CHAMP1: variants seen among roughly 807,000 people sequenced by gnomAD.
CHAMP1 encodes the protein chromosome alignment maintaining phosphoprotein 1.
In CHAMP1, 4 loss-of-function variants were observed where a neutral mutation model predicts 54.5. The ratio of observed to expected loss-of-function variants is 0.07; its 90% confidence interval spans 0.04 to 0.17. CHAMP1 has a LOEUF of 0.17. Among genes scored for constraint, CHAMP1 ranks in the 10% least tolerant of loss-of-function variants. CHAMP1 has a pLI of 1.00. For missense variants in CHAMP1, 994 were observed against 968.6 expected (o/e 1.03, Z -0.35); for synonymous variants, 368 against 342.2 (o/e 1.08, Z -0.83).
rs1555379872 is a variant in CHAMP1 at position 114,325,622 on chromosome 13, A to T, written c.1780A>T (p.Ile594Phe). 1 of 1,614,212 alleles carries T rather than the reference A, an allele frequency of 6.2e-7. No homozygotes were observed. The change falls in exon 3 of 3, where the codon ATT (isoleucine) becomes TTT (phenylalanine). Residue 594 changes from isoleucine to phenylalanine, a missense_variant. Around this residue, in one of 3 missense-constraint regions of CHAMP1, gnomAD observed 851 missense variants for 701.3 expected, o/e 1.21. Coordinates refer to ENST00000361283, the MANE Select transcript of CHAMP1 (RefSeq NM_032436.4). Reference sequence around the variant, plus strand: ...TGCCATAGATGATCAAAAATGTGATATTTTGGTTCAGGAAGAACTTCTAGC... The same window carrying T: ...TGCCATAGATGATCAAAAATGTGATTTTTTGGTTCAGGAAGAACTTCTAGC... ...IDAIDDQKCD[I>F]LVQEELLASP...
rs1162922407 is a variant in CHAMP1, at chr13:114,324,216, A to C, written c.374A>C (p.Lys125Thr). The change falls in exon 3 of 3, where the codon AAA becomes ACA. Residue 125 changes from lysine (K) to threonine (T), a missense_variant. Lys to Thr is a moderately conservative substitution (Grantham distance 78, BLOSUM62 -1). Transcript: ENST00000361283. ...QKIPCNSAEP[K>T]SIPALSMETQ... The stretch of plus-strand genomic sequence containing the variant: ...ATACCCTGCAATTCAGCAGAACCAA[A>C]ATCCATACCTGCCCTTTCAATGGAA... 2 of 1,613,936 alleles carry C rather than the reference A, an allele frequency of 1.2e-6. No homozygotes were observed. The highest frequency in any genetic ancestry group is 2.7e-5 in the African/African-American group (2 of 74,874).
chr13:114,325,875 A>T lies in CHAMP1; in HGVS notation c.2033A>T (p.Gln678Leu), dbSNP rs782736727. ...ENKMDMTSPE[Q>L]SRNVLQFTEE... is the part of the protein sequence containing the mutation. The stretch of plus-strand genomic sequence containing the variant: ...AAAATGGACATGACTAGTCCAGAGC[A>T]GTCTAGAAATGTGCTACAGTTTACT... Residue 678 changes from glutamine (Q) to leucine (L), a missense_variant, in exon 3 of 3, where the codon CAG becomes CTG. Physicochemically the swap from Gln to Leu is moderately radical, Grantham distance 113. This residue lies in a region of CHAMP1 where 851 missense variants were observed against 701.3 expected (regional missense o/e 1.21). Transcript: ENST00000361283. 1 of 1,614,064 alleles carries T rather than the reference A, an allele frequency of 6.2e-7. No homozygotes were observed. The highest frequency in any genetic ancestry group is 1.1e-5 in the South Asian group (1 of 91,044).
intron 1 of CHAMP1, among the ~76,000 whole-genome samples, chr13:114,316,973 C>G (rs983867260): frequency 2.0e-5 from 3 of 152,172 alleles, no homozygotes; most frequent in Middle Eastern, 3.4e-3. Context: ...TTCAGTTTTT[C>G]TTCAAACATA....
chr13:114,319,998 T>C (rs1305126499), intron 1 of CHAMP1, among the ~76,000 whole-genome samples: 1 of 152,176 alleles, frequency 6.6e-6, no homozygotes, highest in Non-Finnish European at 1.5e-5. Flanking sequence ...TTGGAGGACA[T>C]GTGAACAGGC....
In CHAMP1 at chr13:114,325,607, G is replaced by T. The variant is rs782811140; in HGVS notation, c.1765G>T (p.Asp589Tyr). ...TGAACTACAAATAGATGCCATAGAT[G>T]ATCAAAAATGTGATATTTTGGTTCA... is the stretch of plus-strand genomic sequence containing the variant. ...GDELQIDAID[D>Y]QKCDILVQEE... is the part of the protein sequence containing the mutation. The change falls in exon 3 of 3, where the codon GAT becomes TAT. Residue 589 changes from aspartate to tyrosine, a missense_variant. Asp to Tyr is a radical substitution (Grantham distance 160). This residue lies in a region of CHAMP1 where 851 missense variants were observed against 701.3 expected (regional missense o/e 1.21). Coordinates refer to ENST00000361283, the MANE Select transcript of CHAMP1 (RefSeq NM_032436.4). The T allele has an allele frequency of 2.5e-6, 4 of 1,614,128 alleles. No homozygotes were observed. Among genetic ancestry groups the T allele is most frequent in the Non-Finnish European group, 3.4e-6 (4 of 1,180,036 alleles).
Position 114,324,941 on chromosome 13 carries a change from T to C in CHAMP1, c.1099T>C (p.Ser367Pro). Residue 367 changes from serine (S) to proline (P), a missense_variant, in exon 3 of 3, where the codon TCT becomes CCT. This residue lies in a region of CHAMP1 where 851 missense variants were observed against 701.3 expected (regional missense o/e 1.21). Transcript: ENST00000361283. ...GPWKPTPSVS[S>P]ASWKSSSVSP... is the part of the protein sequence containing the mutation. ...TTGGAAACCAACTCCATCTGTGTCTTCTGCATCCTGGAAATCTTCATCAGT... is the reference window on the plus strand; with the variant it reads ...TTGGAAACCAACTCCATCTGTGTCTCCTGCATCCTGGAAATCTTCATCAGT... The C allele has an allele frequency of 6.2e-7, 1 of 1,614,090 alleles. No homozygotes were observed. Among genetic ancestry groups the C allele is most frequent in the South Asian group, 1.1e-5 (1 of 91,088 alleles).
Position 114,323,777 on chromosome 13 carries a change from C to A in CHAMP1, c.-55-11C>A. ...AGTTCATGAAAATAATTTATTCCTA[C>A]TTTATTGCAGCAGTATTGAAAGTTT... On this transcript the variant is annotated splice_polypyrimidine_tract_variant and intron_variant, in intron 2 of 2. Coordinates refer to ENST00000361283, the MANE Select transcript of CHAMP1 (RefSeq NM_032436.4). The A allele has an allele frequency of 6.6e-7, 1 of 1,509,978 alleles. No individual in the cohort carries two copies. The highest frequency in any genetic ancestry group is 2.3e-5 in the Admixed American group (1 of 44,114). The allele number at this position is 1,509,978 out of a possible 1,614,324, so 93.5% of individuals were successfully genotyped here. A position where few individuals can be genotyped will look rare whatever the true frequency, so the allele number is the denominator to read the frequency against.
intron 1 of CHAMP1, among the ~76,000 whole-genome samples, chr13:114,319,654 T>C (rs758853607): frequency 6.2e-4 from 94 of 152,320 alleles, no homozygotes; most frequent in Middle Eastern, 3.4e-3. Flanking sequence ...AGATGTTTCA[T>C]ATATGGGAAT....
chr13:114,320,683 G>C (rs901448184), intron 1 of CHAMP1, among the ~76,000 whole-genome samples: 1 of 152,106 alleles, frequency 6.6e-6, no homozygotes, highest in African/African-American at 2.4e-5. Flanking sequence ...CGGGCTGGGC[G>C]CGGTGGCTCA....
At chr13:114,320,880 CT>C (rs2087158924) in intron 1 of CHAMP1, among the ~76,000 whole-genome samples, 1 of 151,560 alleles carries the variant, frequency 6.6e-6, no homozygotes, top group Non-Finnish European at 1.5e-5. Context: ...GGCATGAACC[CT>C]GGAGGCGGAG....
intron 1 of CHAMP1, among the ~76,000 whole-genome samples, chr13:114,315,442 A>G (rs1223753688): frequency 6.6e-6 from 1 of 151,638 alleles, no homozygotes; most frequent in Non-Finnish European, 1.5e-5. Context: ...TCGCAGCATT[A>G]TTCAAAATCC....
At chr13:114,316,462 C>A (rs763779255) in intron 1 of CHAMP1, among the ~76,000 whole-genome samples, 1 of 151,488 alleles carries the variant, frequency 6.6e-6, no homozygotes, top group Non-Finnish European at 1.5e-5. Context: ...TGGTGGCGCG[C>A]GCCTGTAGTC....
chr13:114,320,011 A>C (rs536040095), intron 1 of CHAMP1, among the ~76,000 whole-genome samples: 65 of 152,318 alleles, frequency 4.3e-4, no homozygotes, highest in Admixed American at 1.2e-3. Context: ...GAACAGGCAG[A>C]TCACATTAGG....
At chr13:114,319,931 CTG>C (rs1452256807) in intron 1 of CHAMP1, among the ~76,000 whole-genome samples, 1 of 152,160 alleles carries the variant, frequency 6.6e-6, no homozygotes, top group African/African-American at 2.4e-5. Context: ...ATGGGCCAGA[CTG>C]TGAAGAGCTT....
At position 114,324,509 on chromosome 13, in the gene CHAMP1, A is replaced by G; in HGVS notation, c.667A>G (p.Ser223Gly). 1 of 1,614,078 alleles carries G rather than the reference A, an allele frequency of 6.2e-7. No individual in the cohort carries two copies. The highest frequency in any genetic ancestry group is 1.6e-4 in the Middle Eastern group (1 of 6,062). ...TCCTGAGTCAGTAAAGGCTACTCTT[A>G]GTAATCCCAAACCCCAGAAGCAGTC... ...VSPESVKATLSNPKPQKQSHF... is the reference protein window; with the variant it reads ...VSPESVKATLGNPKPQKQSHF... The change falls in exon 3 of 3, where the codon AGT becomes GGT. Residue 223 changes from serine to glycine, a missense_variant. Ser to Gly is a moderately conservative substitution (Grantham distance 56). Coordinates refer to ENST00000361283, the MANE Select transcript of CHAMP1 (RefSeq NM_032436.4).
chr13:114,324,665 T>G lies in CHAMP1; in HGVS notation c.823T>G (p.Ser275Ala). ...ATCTCGGAAGTCAGCCCGGACTACC[T>G]CCCCTGAGCCAAGGAAGCCATCCCC... Reference protein sequence around the residue: ...PESRKSARTTSPEPRKPSPSE... With the variant: ...PESRKSARTTAPEPRKPSPSE... Residue 275 changes from serine (S) to alanine (A), a missense_variant, in exon 3 of 3, where the codon TCC becomes GCC. Transcript: ENST00000361283. The G allele has an allele frequency of 1.2e-6, 2 of 1,613,526 alleles. No individual in the cohort carries two copies. The highest frequency in any genetic ancestry group is 1.7e-6 in the Non-Finnish European group (2 of 1,179,852).
chr13:114,324,969 C>T lies in CHAMP1; in HGVS notation c.1127C>T (p.Ser376Leu), dbSNP rs782548665. The T allele has an allele frequency of 2.4e-5, 38 of 1,614,160 alleles. 1 individual carries two copies. In the South Asian group the frequency reaches 3.5e-4, roughly 15 times the overall value. ...GCATCCTGGAAATCTTCATCAGTCT[C>T]ACCCAGCTCCTGGAAGTCTCCCCCT... ...SSASWKSSSV[S>L]PSSWKSPPAS... Residue 376 changes from serine to leucine, a missense_variant, in exon 3 of 3, where the codon TCA becomes TTA. Transcript: ENST00000361283.
Position 114,326,931 on chromosome 13 carries a change from T to C in CHAMP1, c.*650T>C, listed in dbSNP as rs971866052. The C allele has an allele frequency of 3.0e-5, 5 of 166,736 alleles. No homozygotes were observed. Among genetic ancestry groups the C allele is most frequent in the African/African-American group, 1.2e-4 (5 of 41,440 alleles). The allele number at this position is 166,736 out of a possible 1,614,324, so 10.3% of individuals were successfully genotyped here. ...AGATAAGTGTGATTTTAGATCTTTC[T>C]TGTCCATAGTTGTTTTCAGTGGAGT... On this transcript the variant is annotated 3_prime_UTR_variant, in exon 3 of 3. Transcript: ENST00000361283.
chr13:114,324,205 A>G lies in CHAMP1; in HGVS notation c.363A>G (p.Ser121=). Residue 121 remains serine, a synonymous_variant, in exon 3 of 3, where the codon TCA becomes TCG. Coordinates refer to ENST00000361283, the MANE Select transcript of CHAMP1 (RefSeq NM_032436.4). The stretch of plus-strand genomic sequence containing the variant: ...AACACCAGAAAATACCCTGCAATTC[A>G]GCAGAACCAAAATCCATACCTGCCC... ...LPEHQKIPCN[S]AEPKSIPALS... 2 of 1,614,222 alleles carry G rather than the reference A, an allele frequency of 1.2e-6. No individual in the cohort carries two copies. The highest frequency in any genetic ancestry group is 1.7e-6 in the Non-Finnish European group (2 of 1,180,048).
Sources: gnomAD v4.1 joint callset for allele counts (sites outside exome capture counted in the v4.1 genomes callset) on GRCh38, gnomAD v4.1.1 for gene constraint, gnomAD v4.1.1 regional missense constraint, MANE v1.5 for transcripts, NCBI Gene and HGNC (gene_info 2026-07-23, HGNC 2026-07-21) for gene names.